Variants in LMX1A observed in about 807,000 individuals in gnomAD.
The protein encoded by LMX1A is LIM homeobox transcription factor 1 alpha.
A neutral mutation model predicts 49.1 loss-of-function variants in LMX1A; 15 were observed. The observed-to-expected ratio is 0.31, with a 90% CI of 0.20 to 0.47. The LOEUF is 0.47. Among genes scored for constraint, LMX1A ranks in the 20% least tolerant of loss-of-function variants. The probability of loss-of-function intolerance (pLI) is 1.00; values close to 1 mark genes in which losing one functional copy is unlikely to be tolerated. For missense variants in LMX1A, 372 were observed against 475.8 expected (o/e 0.78, Z 2.03); for synonymous variants, 167 against 185.7 (o/e 0.90, Z 0.82).
At chr1:165,356,089 G>C (rs764201588) in intron 1 of LMX1A, 1 of 153,332 alleles carries the variant, frequency 6.5e-6, no homozygotes, top group East Asian at 1.9e-4. Flanking sequence ...GTCGAGAAGG[G>C]GCACTGTAAG....
At chr1:165,336,089 T>A (rs763210601) in intron 3 of LMX1A, among the ~76,000 whole-genome samples, 1 of 152,076 alleles carries the variant, frequency 6.6e-6, no homozygotes, top group Non-Finnish European at 1.5e-5. Flanking sequence ...ATATGTTTAA[T>A]CCCTAAAACG....
intron 3 of LMX1A, among the ~76,000 whole-genome samples, chr1:165,299,424 T>C (rs1238511640): frequency 2.0e-5 from 3 of 152,206 alleles, no homozygotes; most frequent in Non-Finnish European, 1.5e-5. Flanking sequence ...GGGGCCATGC[T>C]CTCTATCCTG....
intron 3 of LMX1A, among the ~76,000 whole-genome samples, chr1:165,267,671 GAGGAAGAAACC>G (rs1034699755): frequency 2.6e-5 from 4 of 152,202 alleles, no homozygotes; most frequent in African/African-American, 9.6e-5. Context: ...CAGAGACTGA[GAGGAAGAAACC>G]AGGAAGAAAA....
At chr1:165,290,538 C>T (rs922217608) in intron 3 of LMX1A, among the ~76,000 whole-genome samples, 6 of 152,148 alleles carry the variant, frequency 3.9e-5, no homozygotes, top group African/African-American at 1.4e-4. Flanking sequence ...CAGGATTACG[C>T]CCTCATCTCA....
At chr1:165,245,587 C>A (rs1431857834) in intron 4 of LMX1A, among the ~76,000 whole-genome samples, 1 of 150,738 alleles carries the variant, frequency 6.6e-6, no homozygotes, top group East Asian at 2.0e-4. Context: ...TCAAATGCAT[C>A]ATTTAAAATT....
intron 3 of LMX1A, among the ~76,000 whole-genome samples, chr1:165,294,239 C>G (rs1035801231): frequency 6.6e-6 from 1 of 151,212 alleles, no homozygotes; most frequent in Non-Finnish European, 1.5e-5. Context: ...ACTGCAGTTA[C>G]GAGCCCAGGC....
At chr1:165,341,450 T>C (rs933758852) in intron 3 of LMX1A, among the ~76,000 whole-genome samples, 2 of 152,208 alleles carry the variant, frequency 1.3e-5, no homozygotes, top group African/African-American at 4.8e-5. Context: ...ACGTAATTAA[T>C]TTATCTATTC....
chr1:165,321,602 T>A (rs907701953), intron 3 of LMX1A, among the ~76,000 whole-genome samples: 7 of 152,090 alleles, frequency 4.6e-5, no homozygotes, highest in African/African-American at 1.7e-4. Context: ...TCACACCATA[T>A]AAAACATCAA....
At chr1:165,294,566 A>C (rs1171028850) in intron 3 of LMX1A, among the ~76,000 whole-genome samples, 2 of 152,260 alleles carry the variant, frequency 1.3e-5, no homozygotes, top group African/African-American at 4.8e-5. Flanking sequence ...TTTCTCTTCT[A>C]ATAATTTAAG....
chr1:165,208,200 G>T lies in LMX1A; in HGVS notation c.748-68C>A, dbSNP rs1651179851. ...CAGCATGTTCACAAAGTAAGGGGGG[G>T]CCTGGAAGTGACACCTTCCCCGGGA... On this transcript the variant is annotated intron_variant, in intron 6 of 8. Coordinates refer to ENST00000342310, the MANE Select transcript of LMX1A (RefSeq NM_177398.4). 1.5e-5 allele frequency: 22 copies of T among 1,431,906 alleles called. No homozygotes were observed. In the South Asian group the frequency reaches 2.5e-4, roughly 16 times the overall value. The allele number at this position is 1,431,906 out of a possible 1,614,324, so 88.7% of individuals were successfully genotyped here. A position where few individuals can be genotyped will look rare whatever the true frequency, so the allele number is the denominator to read the frequency against.
chr1:165,247,859 CCTGGCTA>C (rs1382863593), intron 4 of LMX1A, among the ~76,000 whole-genome samples: 1 of 152,174 alleles, frequency 6.6e-6, no homozygotes, highest in East Asian at 1.9e-4. Context: ...AGTGATATAA[CCTGGCTA>C]AGGCACCCCA....
At chr1:165,269,976 A>C (rs925746713) in intron 3 of LMX1A, among the ~76,000 whole-genome samples, 1 of 152,140 alleles carries the variant, frequency 6.6e-6, no homozygotes, top group Non-Finnish European at 1.5e-5. Flanking sequence ...TGATAGGTGC[A>C]GCAAACCACC....
intron 3 of LMX1A, among the ~76,000 whole-genome samples, chr1:165,260,258 T>C (rs935034832): frequency 6.6e-6 from 1 of 152,194 alleles, no homozygotes; most frequent in Admixed American, 6.5e-5. Flanking sequence ...ATTCCTATTG[T>C]TCCACAATTT....
intron 3 of LMX1A, among the ~76,000 whole-genome samples, chr1:165,256,290 G>A (rs1334493740): frequency 6.6e-6 from 1 of 152,172 alleles, no homozygotes; most frequent in Admixed American, 6.5e-5. Flanking sequence ...CAAAAGTGCT[G>A]CCTTTTCCAA....
chr1:165,255,263 ATCT>A (rs1392633000), intron 3 of LMX1A, among the ~76,000 whole-genome samples: 2 of 152,256 alleles, frequency 1.3e-5, no homozygotes, highest in Non-Finnish European at 2.9e-5. Flanking sequence ...CTCACACTTC[ATCT>A]TCTTTTCTTC....
intron 4 of LMX1A, among the ~76,000 whole-genome samples, chr1:165,227,037 C>A (rs1416734735): frequency 6.6e-6 from 1 of 152,186 alleles, no homozygotes; most frequent in Non-Finnish European, 1.5e-5. Context: ...TGAGGGAATA[C>A]AACGGAGGGG....
chr1:165,249,375 CCACCG>C, intron 4 of LMX1A, 28 bp downstream of exon 4: 1 of 1,504,640 alleles, frequency 6.6e-7, no homozygotes, highest in Non-Finnish European at 9.3e-7. Flanking sequence ...TCTACCCACC[CCACCG>C]CAGCCCTGCC....
At chr1:165,305,680 A>G (rs563770410) in intron 3 of LMX1A, among the ~76,000 whole-genome samples, 4 of 152,362 alleles carry the variant, frequency 2.6e-5, no homozygotes, top group Admixed American at 2.0e-4. Flanking sequence ...ACAGAGATAC[A>G]GAAATCTGAC....
At chr1:165,293,557 A>G (rs1432351472) in intron 3 of LMX1A, among the ~76,000 whole-genome samples, 2 of 152,240 alleles carry the variant, frequency 1.3e-5, no homozygotes, top group African/African-American at 4.8e-5. Flanking sequence ...TACACCTAAT[A>G]AGGATAGTTC....
Sources: allele counts gnomAD v4.1 joint callset (sites outside exome capture counted in the v4.1 genomes callset), GRCh38; gene constraint gnomAD v4.1.1; transcripts MANE v1.5; gene names NCBI Gene and HGNC (gene_info 2026-07-23, HGNC 2026-07-21).